Variants in RASSF3 observed in about 807,000 individuals in gnomAD.
RASSF3 encodes the protein Ras association domain family member 3.
RASSF3 carries 19 observed loss-of-function variants against 19.9 expected under a neutral mutation model. That is an observed-to-expected ratio of 0.96 (90% CI 0.67 to 1.40). RASSF3 has a LOEUF of 1.40. RASSF3 is among the 40% of genes most tolerant of loss of function. RASSF3 has a pLI of 0.00. For synonymous variants in RASSF3, 110 were observed against 104.2 expected (o/e 1.06, Z -0.34); for missense variants, 306 against 289.8 (o/e 1.06, Z -0.41).
intron 1 of RASSF3, among the ~76,000 whole-genome samples, chr12:64,625,772 C>G (rs1416216924): frequency 6.6e-6 from 1 of 152,154 alleles, no homozygotes; most frequent in Admixed American, 6.5e-5. Flanking sequence ...CACAGAGTGA[C>G]TGTCTCGGCT....
At chr12:64,677,290 G>A (rs1220795352) in intron 1 of RASSF3, among the ~76,000 whole-genome samples, 3 of 152,198 alleles carry the variant, frequency 2.0e-5, no homozygotes, top group African/African-American at 4.8e-5. Flanking sequence ...TTCCTCCACT[G>A]CAGAAAATAC....
chr12:64,629,966 AAAAAAAAAAAAG>A (rs1164201418), intron 1 of RASSF3: 4 of 149,896 alleles, frequency 2.7e-5, no homozygotes, highest in African/African-American at 4.9e-5. Context: ...CATCTCAAAA[AAAAAAAAAAAAG>A]AAAAAGAAAA....
At chr12:64,546,564 C>T (rs1384420678), downstream of RASSF3, among the ~76,000 whole-genome samples, 1 of 152,234 alleles carries the variant, frequency 6.6e-6, no homozygotes, top group East Asian at 1.9e-4. Flanking sequence ...GCCACTGCAC[C>T]TGGCCAATAC....
rs748110139 is a variant in RASSF3 at position 64,688,332 on chromosome 12, A to G, written c.336A>G (p.Thr112=). The G allele has an allele frequency of 1.2e-6, 2 of 1,613,180 alleles. No homozygotes were observed. Among genetic ancestry groups the G allele is most frequent in the Non-Finnish European group, 1.7e-6 (2 of 1,179,094 alleles). The change falls in exon 3 of 5, where the codon ACA becomes ACG. Residue 112 remains threonine, a synonymous_variant. Coordinates refer to ENST00000542104, the MANE Select transcript of RASSF3 (RefSeq NM_178169.4). The stretch of plus-strand genomic sequence containing the variant: ...CCAGTAGCAATGGCTGTATGAATAC[A>G]CTTCATATCAGCAGCACAAACACTG... ...LSPSSNGCMN[T]LHISSTNTVG...
intron 2 of RASSF3, among the ~76,000 whole-genome samples, chr12:64,594,903 G>A (rs189073195): frequency 7.9e-5 from 12 of 151,744 alleles, no homozygotes; most frequent in East Asian, 5.8e-4. Context: ...AGGTACCACC[G>A]TGTTTGGCAG....
intron 2 of RASSF3, among the ~76,000 whole-genome samples, chr12:64,547,195 C>A (rs1869078567): frequency 6.6e-6 from 1 of 151,244 alleles, no homozygotes; most frequent in Non-Finnish European, 1.5e-5. Context: ...TTGCTTGAAC[C>A]CAGGAGGTGG....
At chr12:64,689,741 C>T (rs1873503258) in intron 3 of RASSF3, among the ~76,000 whole-genome samples, 2 of 149,358 alleles carry the variant, frequency 1.3e-5, no homozygotes, top group South Asian at 4.2e-4. Flanking sequence ...CTTGAAGCTA[C>T]CGGAGCTTAT....
intron 1 of RASSF3, among the ~76,000 whole-genome samples, chr12:64,648,802 ATTTTT>A (rs60003798): frequency 9.5e-5 from 10 of 104,994 alleles, no homozygotes; most frequent in South Asian, 3.3e-4. Context: ...TTTTACATTG[ATTTTT>A]TTTTTTTTTT....
At chr12:64,655,767 CT>C (rs970235748) in intron 1 of RASSF3, among the ~76,000 whole-genome samples, 1 of 152,090 alleles carries the variant, frequency 6.6e-6, no homozygotes, top group African/African-American at 2.4e-5. Context: ...TAGCTCACGC[CT>C]GTAATTCCAG....
chr12:64,532,068 A>C (rs1389353059), upstream of RASSF3, among the ~76,000 whole-genome samples: 2 of 152,202 alleles, frequency 1.3e-5, no homozygotes. Flanking sequence ...CAGGGAGAGA[A>C]AAGGACAGCT....
At chr12:64,541,615 C>T in exon 2 of RASSF3, 1 of 398,562 alleles carries the variant, frequency 2.5e-6, no homozygotes, top group Non-Finnish European at 4.4e-6. Flanking sequence ...ACTGCCGAGA[C>T]CTGGTACATC....
At chr12:64,651,057 T>A (rs1484417522) in intron 1 of RASSF3, among the ~76,000 whole-genome samples, 1 of 152,190 alleles carries the variant, frequency 6.6e-6, no homozygotes, top group Non-Finnish European at 1.5e-5. Flanking sequence ...ATAAATAGAT[T>A]TGAGATTAGT....
intron 1 of RASSF3, among the ~76,000 whole-genome samples, chr12:64,626,044 A>G (rs907862307): frequency 6.6e-6 from 1 of 152,028 alleles, no homozygotes; most frequent in African/African-American, 2.4e-5. Flanking sequence ...TGTTTCTCAC[A>G]ATGAATTGGT....
At chr12:64,655,434 G>A (rs1377662548) in intron 1 of RASSF3, among the ~76,000 whole-genome samples, 1 of 152,138 alleles carries the variant, frequency 6.6e-6, no homozygotes, top group African/African-American at 2.4e-5. Context: ...TGTCCTAAAG[G>A]AGAGCCCTCT....
At chr12:64,588,157 A>G (rs1018630320) in intron 2 of RASSF3, among the ~76,000 whole-genome samples, 48 of 152,080 alleles carry the variant, frequency 3.2e-4, no homozygotes, top group African/African-American at 8.9e-4. Flanking sequence ...GCTCATTGCA[A>G]TCTCCACCTA....
At chr12:64,647,706 C>T (rs11175498) in intron 1 of RASSF3, among the ~76,000 whole-genome samples, 20,478 of 151,782 alleles carry the variant, frequency 0.13, 1,939 homozygotes, top group African/African-American at 0.27. Flanking sequence ...CCACCGCGCC[C>T]GGCCCCGGCC....
At chr12:64,636,236 C>T (rs1469003711) in intron 1 of RASSF3, among the ~76,000 whole-genome samples, 1 of 151,932 alleles carries the variant, frequency 6.6e-6, no homozygotes, top group Non-Finnish European at 1.5e-5. Context: ...CCCCGCTCAG[C>T]CTCCCAAGGC....
intron 2 of RASSF3, among the ~76,000 whole-genome samples, chr12:64,590,944 G>A (rs780778900): frequency 9.9e-5 from 15 of 152,158 alleles, no homozygotes; most frequent in Non-Finnish European, 2.1e-4. Flanking sequence ...ATTGTACTCC[G>A]GTTATCTAAT....
At chr12:64,620,602 C>T (rs1010545191) in intron 1 of RASSF3, among the ~76,000 whole-genome samples, 25 of 152,226 alleles carry the variant, frequency 1.6e-4, no homozygotes, top group African/African-American at 5.3e-4. Flanking sequence ...TTGTTGTCTA[C>T]ATTGTATTTT....
Sources: gnomAD v4.1 joint callset for allele counts (sites outside exome capture counted in the v4.1 genomes callset) on GRCh38, gnomAD v4.1.1 for gene constraint, MANE v1.5 for transcripts, NCBI Gene and HGNC (gene_info 2026-07-23, HGNC 2026-07-21) for gene names.